Variants in MCCC1 observed in about 807,000 individuals in gnomAD.
MCCC1 encodes the protein methylcrotonyl-CoA carboxylase subunit 1, also known as methylcrotonoyl-CoA carboxylase subunit alpha, mitochondrial.
MCCC1 carries 64 observed loss-of-function variants against 83.8 expected under a neutral mutation model. That is an observed-to-expected ratio of 0.76 (90% CI 0.62 to 0.94). The LOEUF (loss-of-function observed/expected upper bound fraction) is 0.94. Among genes scored for constraint, MCCC1 ranks in the 40% least tolerant of loss-of-function variants. MCCC1 has a pLI of 0.00. For missense variants in MCCC1, 807 were observed against 904.7 expected (o/e 0.89, Z 1.39); for synonymous variants, 322 against 315.4 (o/e 1.02, Z -0.22).
At chr3:183,058,851 T>A in intron 7 of MCCC1, among the ~76,000 whole-genome samples, 1 of 152,036 alleles carries the variant, frequency 6.6e-6, no homozygotes, top group East Asian at 1.9e-4. Context: ...AATACAGAAG[T>A]GATCAGCAAA....
Position 183,092,493 on chromosome 3 carries a change from C to T in MCCC1, c.189G>A (p.Arg63=), listed in dbSNP as rs753180751. 10 of 1,614,074 alleles carry T rather than the reference C, an allele frequency of 6.2e-6. No homozygotes were observed. In the East Asian group the frequency reaches 2.0e-4, roughly 32 times the overall value. The change falls in exon 3 of 19, where the codon AGG becomes AGA. Residue 63 remains arginine, a synonymous_variant. Transcript: ENST00000265594. ...LIANRGEIAC[R]VMRTAKKLGV... ...CCAGTTTTTTGGCTGTGCGCATCACCCTGCAGGCAATTTCTCCTCTGTTTG... is the reference window on the plus strand; with the variant it reads ...CCAGTTTTTTGGCTGTGCGCATCACTCTGCAGGCAATTTCTCCTCTGTTTG...
intron 11 of MCCC1, among the ~76,000 whole-genome samples, chr3:183,040,191 C>T (rs979376170): frequency 2.0e-5 from 3 of 150,682 alleles, no homozygotes; most frequent in African/African-American, 7.3e-5. Context: ...CTACTAACTA[C>T]CAAATCTTGC....
intron 7 of MCCC1, among the ~76,000 whole-genome samples, chr3:183,069,476 G>GC (rs574443230): frequency 4.9e-4 from 74 of 151,394 alleles, no homozygotes; most frequent in South Asian, 1.3e-3. Context: ...CCTTAGAAAT[G>GC]CCCCCCCCTT....
At chr3:183,072,922 T>C (rs1690331536) in intron 4 of MCCC1, among the ~76,000 whole-genome samples, 1 of 152,232 alleles carries the variant, frequency 6.6e-6, no homozygotes, top group African/African-American at 2.4e-5. Context: ...AAGTACCTCA[T>C]GTAAGTGGAA....
intron 1 of MCCC1, among the ~76,000 whole-genome samples, chr3:183,106,531 C>A (rs1000904931): frequency 3.5e-5 from 5 of 141,506 alleles, no homozygotes; most frequent in African/African-American, 1.6e-4. Flanking sequence ...CAGAGTCTCG[C>A]TCTGTCGCCC....
At chr3:183,021,158 G>A (rs1033567270) in intron 16 of MCCC1, among the ~76,000 whole-genome samples, 1 of 152,190 alleles carries the variant, frequency 6.6e-6, no homozygotes, top group Non-Finnish European at 1.5e-5. Flanking sequence ...TGCTCAGTAT[G>A]CTAGGAACTG....
chr3:183,041,421 G>C, intron 11 of MCCC1, 146 bp downstream of exon 11: 1 of 869,386 alleles, frequency 1.2e-6, no homozygotes, highest in Non-Finnish European at 1.8e-6. Context: ...GAGGCAAAAA[G>C]TAATGGTTAC....
chr3:183,097,779 A>C (rs1204515637), intron 1 of MCCC1, among the ~76,000 whole-genome samples: 4 of 152,228 alleles, frequency 2.6e-5, no homozygotes, highest in African/African-American at 4.8e-5. Context: ...AGTTCTTTAG[A>C]CAATAGCTAA....
chr3:183,104,414 A>T (rs1577383476), upstream of MCCC1, among the ~76,000 whole-genome samples: 2 of 152,192 alleles, frequency 1.3e-5, no homozygotes, highest in African/African-American at 4.8e-5. Context: ...CACTGTGCCC[A>T]GCCAGAGAAA....
intron 9 of MCCC1, among the ~76,000 whole-genome samples, chr3:183,051,947 T>C (rs1472023604): frequency 6.6e-6 from 1 of 152,256 alleles, no homozygotes; most frequent in African/African-American, 2.4e-5. Flanking sequence ...AGACAAGTAC[T>C]GTTTAATGAA....
intron 14 of MCCC1, 75 bp from the exon 15 acceptor site, chr3:183,025,879 C>CT: frequency 7.6e-7 from 1 of 1,317,672 alleles, no homozygotes; most frequent in East Asian, 2.3e-5. Context: ...TATAAAGAAT[C>CT]TCACTCTCAA....
chr3:183,026,805 C>T (rs943728753), intron 14 of MCCC1, among the ~76,000 whole-genome samples: 1 of 152,162 alleles, frequency 6.6e-6, no homozygotes, highest in African/African-American at 2.4e-5. Flanking sequence ...CTCACTAAAT[C>T]TCCGAGCCTT....
chr3:183,078,967 C>G (rs1717286181), intron 4 of MCCC1, among the ~76,000 whole-genome samples: 1 of 152,204 alleles, frequency 6.6e-6, no homozygotes, highest in Non-Finnish European at 1.5e-5. Context: ...ACCATCAGCT[C>G]TCATGAGACT....
chr3:183,069,214 C>T (rs1322483494), intron 7 of MCCC1, among the ~76,000 whole-genome samples: 1 of 152,146 alleles, frequency 6.6e-6, no homozygotes, highest in Non-Finnish European at 1.5e-5. Context: ...GTCTTTGATT[C>T]CCAGGGGCTT....
chr3:183,102,758 GTTTTTTTTTTTTTTTTTTTTTTTT>G (rs566199257), upstream of MCCC1, among the ~76,000 whole-genome samples: 87 of 52,208 alleles, frequency 1.7e-3, no homozygotes, highest in African/African-American at 4.4e-3. Context: ...AGCAGAGAAA[GTTTTTTTTTTTTTTTTTTTTTTTT>G]TTTTTTTTTT....
rs1172275249 is a variant in MCCC1 at position 183,015,389 on chromosome 3, T to C, written c.*49A>G. On this transcript the variant is annotated 3_prime_UTR_variant, in exon 19 of 19. Coordinates refer to ENST00000265594, the MANE Select transcript of MCCC1 (RefSeq NM_020166.5). ...GAAAAGCTGGAGGCACTTCCTCTTT[T>C]TGGTGGAGAGAGAAGACACTACTTA... 1.9e-6 allele frequency: 3 copies of C among 1,610,426 alleles called. No individual in the cohort carries two copies. The highest frequency in any genetic ancestry group is 3.3e-5 in the Admixed American group (2 of 60,010).
chr3:183,102,869 C>A, upstream of MCCC1, among the ~76,000 whole-genome samples: 1 of 144,270 alleles, frequency 6.9e-6, no homozygotes, highest in East Asian at 2.1e-4. Flanking sequence ...TCACTGCAAC[C>A]TCCACCTCCC....
At chr3:183,099,067 G>T in intron 1 of MCCC1, 3 of 563,092 alleles carry the variant, frequency 5.3e-6, no homozygotes, top group Admixed American at 3.1e-5. Flanking sequence ...GCGACGGCGA[G>T]GGGAGCCTGG....
chr3:183,057,276 G>C (rs760730469), intron 8 of MCCC1, 35 bp downstream of exon 8: 4 of 1,439,384 alleles, frequency 2.8e-6, no homozygotes, highest in Non-Finnish European at 3.9e-6. Flanking sequence ...TTCACATTAC[G>C]GAGAAGCTTA....
Sources: allele counts gnomAD v4.1 joint callset (sites outside exome capture counted in the v4.1 genomes callset), GRCh38; gene constraint gnomAD v4.1.1; transcripts MANE v1.5; gene names NCBI Gene and HGNC (gene_info 2026-07-23, HGNC 2026-07-21).